GLRA2: variants seen among roughly 807,000 people sequenced by gnomAD.
The protein encoded by GLRA2 is glycine receptor alpha 2.
Under a neutral mutation model 31.6 loss-of-function variants are expected in GLRA2, and 11 were observed. The observed-to-expected ratio is 0.35, with a 90% confidence interval of 0.22 to 0.58. GLRA2 has a LOEUF of 0.58. GLRA2 is among the 20% of genes least tolerant of loss of function. The pLI is 0.84. For synonymous variants in GLRA2, 132 were observed against 134.0 expected (o/e 0.99, Z 0.10); for missense variants, 212 against 351.8 (o/e 0.60, Z 3.18).
chrX:14,628,075 G>C (rs1416857883), intron 7 of GLRA2, among the ~76,000 whole-genome samples: 2 of 111,032 alleles, frequency 1.8e-5, no homozygotes, highest in Non-Finnish European at 3.8e-5. Context: ...AGGGTATCGT[G>C]GTTTGACAGC....
chrX:14,489,901 T>A, the GLRA2 span, among the ~76,000 whole-genome samples: 866 of 111,634 alleles, frequency 7.8e-3, 7 homozygotes, highest in Middle Eastern at 0.014. Context: ...CTAAAGTGAT[T>A]ATTTTTTTTC....
chrX:14,559,344 G>C (rs968217628), intron 2 of GLRA2, among the ~76,000 whole-genome samples: 1 of 108,380 alleles, frequency 9.2e-6, no homozygotes, highest in Non-Finnish European at 1.9e-5. Flanking sequence ...CAGAAGAATC[G>C]ATACATAATT....
chrX:14,535,181 G>A (rs1037568712), intron 2 of GLRA2, among the ~76,000 whole-genome samples: 9 of 111,859 alleles, frequency 8.0e-5, no homozygotes, highest in African/African-American at 2.9e-4. Context: ...GGGCCACTGA[G>A]GTAAACAGAA....
chrX:14,494,411 A>C, the GLRA2 span, among the ~76,000 whole-genome samples: 1 of 112,191 alleles, frequency 8.9e-6, no homozygotes, highest in Non-Finnish European at 1.9e-5. Flanking sequence ...TTTCTGCCTC[A>C]AAAATAATTG....
At chrX:14,641,685 C>A (rs1311177903) in intron 7 of GLRA2, among the ~76,000 whole-genome samples, 1 of 111,378 alleles carries the variant, frequency 9.0e-6, no homozygotes. Flanking sequence ...TCATATTAGG[C>A]CCTCATTGTG....
chrX:14,544,157 G>A (rs1476356773), intron 2 of GLRA2, among the ~76,000 whole-genome samples: 2 of 111,889 alleles, frequency 1.8e-5, no homozygotes, highest in African/African-American at 6.5e-5. Flanking sequence ...TATTATTGCA[G>A]TCTATTTTTC....
Position 14,730,748 on chromosome X carries a change from A to G in GLRA2, c.*263A>G. ...AATCTTTAGCATTGTTCTTTCAGTC[A>G]GACATGATATGCGCAACATTCAGAC... On this transcript the variant is annotated 3_prime_UTR_variant, in exon 9 of 9. Coordinates refer to ENST00000218075, the MANE Select transcript of GLRA2 (RefSeq NM_002063.4). The G allele has an allele frequency of 3.0e-6, 1 of 331,529 alleles. No individual in the cohort carries two copies. The highest frequency in any genetic ancestry group is 5.5e-5 in the East Asian group (1 of 18,323). 27.3% of individuals were successfully genotyped at this position (331,529 alleles called of 1,213,427 possible). A position where few individuals can be genotyped will look rare whatever the true frequency, so the allele number is the denominator to read the frequency against.
intron 7 of GLRA2, among the ~76,000 whole-genome samples, chrX:14,657,730 G>A (rs756182150): frequency 8.9e-6 from 1 of 112,266 alleles, no homozygotes; most frequent in Non-Finnish European, 1.9e-5. Flanking sequence ...AACCTTAATT[G>A]CAAAATCTTG....
the GLRA2 span, among the ~76,000 whole-genome samples, chrX:14,461,365 C>T: frequency 1.8e-5 from 2 of 111,563 alleles, no homozygotes; most frequent in African/African-American, 3.3e-5. Context: ...TCTATTAGGT[C>T]TCCCTGGTCC....
Position 14,730,386 on chromosome X carries a change from G to T in GLRA2, c.1260G>T (p.Thr420=). Residue 420 remains threonine (T), a synonymous_variant, in exon 9 of 9, where the codon ACG becomes ACT. Transcript: ENST00000218075. ...KFVDRAKRID[T]ISRAAFPLAF... The stretch of plus-strand genomic sequence containing the variant: ...TGGACCGGGCAAAAAGGATTGACAC[G>T]ATATCTCGAGCTGCCTTCCCATTGG... 6.6e-6 allele frequency: 8 copies of T among 1,205,995 alleles called. No homozygotes were observed. The highest frequency in any genetic ancestry group is 9.0e-6 in the Non-Finnish European group (8 of 890,844).
chrX:14,599,752 G>C (rs147461882), intron 4 of GLRA2, among the ~76,000 whole-genome samples: 10 of 111,262 alleles, frequency 9.0e-5, no homozygotes, highest in Non-Finnish European at 1.7e-4. Flanking sequence ...TAATTGCACT[G>C]TATCTTAAGA....
At chrX:14,630,170 G>C (rs1265710860) in intron 7 of GLRA2, among the ~76,000 whole-genome samples, 1 of 111,469 alleles carries the variant, frequency 9.0e-6, no homozygotes, top group Admixed American at 9.6e-5. Flanking sequence ...CGTCTGAAAA[G>C]TCTTTTATTT....
chrX:14,608,848 G>T (rs1371036739), intron 6 of GLRA2, 143 bp from the exon 7 acceptor site: 5 of 434,487 alleles, frequency 1.2e-5, no homozygotes, highest in Non-Finnish European at 2.0e-5. Context: ...GAGTTGAATT[G>T]GTTACGTAGG....
At chrX:14,555,123 A>G (rs774754400) in intron 2 of GLRA2, among the ~76,000 whole-genome samples, 2 of 112,289 alleles carry the variant, frequency 1.8e-5, no homozygotes, top group African/African-American at 6.5e-5. Flanking sequence ...CACTGTGTAT[A>G]GGGATGAGAG....
chrX:14,462,289 T>C, the GLRA2 span, among the ~76,000 whole-genome samples: 2,039 of 111,301 alleles, frequency 0.018, 66 homozygotes, highest in African/African-American at 0.064. Flanking sequence ...CATTTTTTTT[T>C]CCTTCATTTC....
At chrX:14,483,883 G>A in the GLRA2 span, among the ~76,000 whole-genome samples, 28 of 111,139 alleles carry the variant, frequency 2.5e-4, no homozygotes, top group Non-Finnish European at 9.4e-5. Context: ...TGCCAGTGTG[G>A]CTAGAACATA....
intron 1 of GLRA2, chrX:14,531,112 T>C (rs887964270): frequency 3.2e-6 from 3 of 925,260 alleles, no homozygotes; most frequent in Middle Eastern, 3.1e-4. Context: ...ATCATCATCA[T>C]CCTCACCACC....
At chrX:14,577,696 C>A (rs911230974) in intron 3 of GLRA2, among the ~76,000 whole-genome samples, 2 of 111,120 alleles carry the variant, frequency 1.8e-5, no homozygotes, top group Non-Finnish European at 3.8e-5. Flanking sequence ...CCCTTACGAC[C>A]TCATCACCAC....
At chrX:14,517,873 A>C in the GLRA2 span, among the ~76,000 whole-genome samples, 1 of 111,727 alleles carries the variant, frequency 9.0e-6, no homozygotes, top group Non-Finnish European at 1.9e-5. Context: ...TTATTTATAA[A>C]GTTTATAAAT....
Sources: gnomAD v4.1 joint callset for allele counts (sites outside exome capture counted in the v4.1 genomes callset) on GRCh38, gnomAD v4.1.1 for gene constraint, MANE v1.5 for transcripts, NCBI Gene and HGNC (gene_info 2026-07-23, HGNC 2026-07-21) for gene names.